TFDP1: variants seen among roughly 807,000 people sequenced by gnomAD.
TFDP1 encodes DRTF1-polypeptide 1.
TFDP1 carries 6 observed loss-of-function variants against 48.0 expected under a neutral mutation model. The ratio of observed to expected loss-of-function variants is 0.13; its 90% CI spans 0.07 to 0.25. The LOEUF (loss-of-function observed/expected upper bound fraction) is 0.25, where lower values mean the gene tolerates loss of function less well. TFDP1 is among the 10% of genes least tolerant of loss of function. The pLI is 1.00. For missense variants in TFDP1, 335 were observed against 543.0 expected (o/e 0.62, Z 3.81); for synonymous variants, 201 against 211.6 (o/e 0.95, Z 0.44).
chr13:113,585,751 ACT>A, intron 1 of TFDP1, 21 bp from the exon 2 acceptor site: 1 of 1,025,072 alleles, frequency 9.8e-7, no homozygotes. Context: ...GTTTTTCCTT[ACT>A]TTTTTTTTTT....
chr13:113,594,930 T>C (rs1190150455), intron 2 of TFDP1, among the ~76,000 whole-genome samples: 2 of 152,244 alleles, frequency 1.3e-5, no homozygotes, highest in African/African-American at 4.8e-5. Flanking sequence ...GCTGAATTGT[T>C]AGGGTTTCAT....
intron 4 of TFDP1, among the ~76,000 whole-genome samples, chr13:113,626,410 A>G (rs1004892601): frequency 6.6e-6 from 1 of 152,188 alleles, no homozygotes; most frequent in Non-Finnish European, 1.5e-5. Context: ...AACAGATGTT[A>G]GGATATGAGT....
At chr13:113,631,061 G>A (rs1319351140) in intron 4 of TFDP1, among the ~76,000 whole-genome samples, 2 of 152,258 alleles carry the variant, frequency 1.3e-5, no homozygotes, top group Non-Finnish European at 2.9e-5. Flanking sequence ...GTTACCAGGT[G>A]ATGGCTGTCA....
intron 11 of TFDP1, among the ~76,000 whole-genome samples, chr13:113,639,452 C>G (rs1460535046): frequency 6.6e-6 from 1 of 152,208 alleles, no homozygotes; most frequent in Non-Finnish European, 1.5e-5. Context: ...CTGCAGTGAG[C>G]AGCTTTACAG....
At chr13:113,628,730 C>T (rs1026489042) in intron 4 of TFDP1, among the ~76,000 whole-genome samples, 3 of 152,386 alleles carry the variant, frequency 2.0e-5, no homozygotes, top group African/African-American at 4.8e-5. Context: ...AGGGGCCCAG[C>T]TCTGAACTAT....
intron 3 of TFDP1, among the ~76,000 whole-genome samples, chr13:113,619,985 A>T (rs779969463): frequency 1.3e-5 from 2 of 152,104 alleles, no homozygotes; most frequent in Admixed American, 1.3e-4. Context: ...GCATTCACTC[A>T]TCCTGCCCTG....
chr13:113,630,132 C>T (rs2049294925), intron 4 of TFDP1, among the ~76,000 whole-genome samples: 1 of 150,036 alleles, frequency 6.7e-6, no homozygotes, highest in Admixed American at 6.7e-5. Context: ...TTTGGATCTC[C>T]CACGTGGCCC....
rs1055115887 is a variant in TFDP1 at position 113,627,264 on chromosome 13, G to A, written c.186+3978G>A. Reference sequence around the variant, plus strand: ...CTTGTCAAGGTCAGGGTCTTTTGAGGTGCGGATGCTTGTGAAGCCTGTGGT... The same window carrying A: ...CTTGTCAAGGTCAGGGTCTTTTGAGATGCGGATGCTTGTGAAGCCTGTGGT... On this transcript the variant is annotated intron_variant, in intron 4 of 11. Coordinates refer to ENST00000375370, the MANE Select transcript of TFDP1 (RefSeq NM_007111.5). This position sits in a 1 kb window ranked among gnomAD's most constrained non-coding sequence, Gnocchi z 4.1. Among the ~76,000 whole-genome samples the A allele has an allele frequency of 4.6e-5, 7 of 152,178 alleles. No homozygotes were observed. Among genetic ancestry groups the A allele is most frequent in the African/African-American group, 1.7e-4 (7 of 41,436 alleles).
chr13:113,605,184 G>A (rs150585935), intron 2 of TFDP1, among the ~76,000 whole-genome samples: 1 of 151,986 alleles, frequency 6.6e-6, no homozygotes, highest in African/African-American at 2.4e-5. Context: ...GTCCTTGGGG[G>A]TCACCTTCCA....
In TFDP1 at chr13:113,636,676, A is replaced by G. The variant is rs149728583; in HGVS notation, c.982A>G (p.Lys328Glu). Residue 328 changes from lysine (K) to glutamate (E), a missense_variant, in exon 10 of 12, where the codon AAG (lysine) becomes GAG (glutamate). Physicochemically the swap from Lys to Glu is moderately conservative, Grantham distance 56. Around this residue, in one of 3 missense-constraint regions of TFDP1, gnomAD observed 204 missense variants for 287.1 expected, o/e 0.71. Transcript: ENST00000375370. ...DLKMARSLVP[K>E]ALEPYVTEMA... ...TAAAATGGCCAGAAGTCTGGTCCCC[A>G]AGGCTCTGGAGCCATACGTGACAGG... The G allele has an allele frequency of 3.1e-6, 5 of 1,609,950 alleles. No individual in the cohort carries two copies. The African/African-American group carries it at 7.0e-5, about 23-fold the overall frequency.
intron 3 of TFDP1, among the ~76,000 whole-genome samples, chr13:113,619,202 G>A (rs1266848489): frequency 6.6e-6 from 1 of 152,244 alleles, no homozygotes; most frequent in Non-Finnish European, 1.5e-5. Context: ...GCTGGGCGTA[G>A]TGGCTAACAC....
At chr13:113,605,730 T>C (rs981036949) in intron 2 of TFDP1, among the ~76,000 whole-genome samples, 4 of 152,224 alleles carry the variant, frequency 2.6e-5, no homozygotes, top group African/African-American at 9.6e-5. Context: ...GTGACCTAGC[T>C]TCAGAAGTTG....
intron 2 of TFDP1, among the ~76,000 whole-genome samples, chr13:113,590,995 G>A (rs2048126495): frequency 2.8e-5 from 3 of 108,274 alleles, no homozygotes; most frequent in Middle Eastern, 8.8e-3. Flanking sequence ...GGGCGACAGA[G>A]CGAGACTCTG....
In TFDP1 at chr13:113,636,573, C is replaced by A; in HGVS notation, c.879C>A (p.Ile293=). 1.9e-6 allele frequency: 3 copies of A among 1,614,184 alleles called. No homozygotes were observed. In the African/African-American group the frequency reaches 4.0e-5, roughly 22 times the overall value. ...YLFNFDNTFE[I]HDDIEVLKRM... ...TTAATTTTGACAACACATTTGAAATCCACGATGACATAGAAGTGCTGAAGC... is the reference window on the plus strand; with the variant it reads ...TTAATTTTGACAACACATTTGAAATACACGATGACATAGAAGTGCTGAAGC... Residue 293 remains isoleucine, a synonymous_variant, in exon 10 of 12, where the codon ATC becomes ATA. Coordinates refer to ENST00000375370, the MANE Select transcript of TFDP1 (RefSeq NM_007111.5).
At chr13:113,613,538 T>A (rs2048761225) in intron 3 of TFDP1, among the ~76,000 whole-genome samples, 1 of 148,746 alleles carries the variant, frequency 6.7e-6, no homozygotes, top group East Asian at 1.9e-4. Context: ...TGAGTGTGTG[T>A]GAGGAATGTG....
chr13:113,596,790 TC>T (rs1482415751), intron 2 of TFDP1, among the ~76,000 whole-genome samples: 1 of 152,226 alleles, frequency 6.6e-6, no homozygotes, highest in Non-Finnish European at 1.5e-5. Context: ...TTGATGCCAG[TC>T]CCCATCCCAG....
intron 8 of TFDP1, 74 bp from the exon 9 acceptor site, chr13:113,635,903 G>GT: frequency 2.0e-6 from 3 of 1,523,416 alleles, no homozygotes; most frequent in Non-Finnish European, 2.7e-6. Context: ...AGGGAGGGCT[G>GT]TGAGGACCCC....
At chr13:113,601,614 G>C (rs1474761049) in intron 2 of TFDP1, among the ~76,000 whole-genome samples, 2 of 152,238 alleles carry the variant, frequency 1.3e-5, no homozygotes, top group Non-Finnish European at 2.9e-5. Flanking sequence ...CTCTGGGGTT[G>C]TGTTTGTTCC....
At chr13:113,614,039 TTGTG>T (rs57785552) in intron 3 of TFDP1, among the ~76,000 whole-genome samples, 9 of 151,282 alleles carry the variant, frequency 5.9e-5, no homozygotes, top group Admixed American at 4.6e-4. Flanking sequence ...CGTTTGTGAG[TTGTG>T]TGTGAGATGT....
Sources: gnomAD v4.1 joint callset for allele counts (sites outside exome capture counted in the v4.1 genomes callset) on GRCh38, gnomAD v4.1.1 for gene constraint, gnomAD v4.1.1 regional missense constraint, Gnocchi (gnomAD v3.1) non-coding constraint, MANE v1.5 for transcripts, NCBI Gene and HGNC (gene_info 2026-07-23, HGNC 2026-07-21) for gene names.